TRDN: variants seen among roughly 807,000 people sequenced by gnomAD.
TRDN encodes the protein triadin in skeletal muscle.
A neutral mutation model predicts 149.7 loss-of-function variants in TRDN; 161 were observed. The ratio of observed to expected loss-of-function variants is 1.08; its 90% CI spans 0.95 to 1.23. The LOEUF is 1.23. Among genes scored for constraint, TRDN ranks in the 50% most tolerant of loss-of-function variants. The probability of loss-of-function intolerance (pLI) is 0.00; values close to 1 mark genes in which losing one functional copy is unlikely to be tolerated. For missense variants in TRDN, 896 were observed against 823.5 expected (o/e 1.09, Z -1.08); for synonymous variants, 294 against 250.5 (o/e 1.17, Z -1.64).
intron 24 of TRDN, among the ~76,000 whole-genome samples, chr6:123,300,513 T>G (rs1404305739): frequency 1.3e-5 from 2 of 151,920 alleles, no homozygotes; most frequent in African/African-American, 4.8e-5. Context: ...AATGAATTTC[T>G]CTGAGATTTT....
intron 1 of TRDN, among the ~76,000 whole-genome samples, chr6:123,627,650 C>T (rs1562141207): frequency 1.3e-5 from 2 of 152,292 alleles, no homozygotes; most frequent in South Asian, 2.1e-4. Flanking sequence ...TGGAGCCAGG[C>T]ATTGACTTCT....
At chr6:123,519,010 C>T (rs909423916) in intron 5 of TRDN, among the ~76,000 whole-genome samples, 1 of 152,116 alleles carries the variant, frequency 6.6e-6, no homozygotes, top group African/African-American at 2.4e-5. Context: ...CTGCTTAGAG[C>T]CCACAACCAG....
intron 37 of TRDN, 138 bp downstream of exon 37, chr6:123,254,943 T>A (rs979057951): frequency 5.9e-5 from 36 of 608,082 alleles, no homozygotes; most frequent in Non-Finnish European, 1.0e-4. Context: ...ATTTTCTACC[T>A]GTCCACTTCC....
intron 2 of TRDN, among the ~76,000 whole-genome samples, chr6:123,561,158 A>G (rs1253052828): frequency 1.3e-5 from 2 of 152,134 alleles, no homozygotes; most frequent in African/African-American, 4.8e-5. Context: ...GTGAGACATA[A>G]TTCCTCGGTT....
chr6:123,613,332 G>A (rs1222579433), intron 1 of TRDN, among the ~76,000 whole-genome samples: 2 of 152,064 alleles, frequency 1.3e-5, no homozygotes, highest in African/African-American at 2.4e-5. Context: ...TCAGTTTAAT[G>A]AATAAATACA....
chr6:123,576,145 A>C (rs1782844223), intron 1 of TRDN, among the ~76,000 whole-genome samples: 1 of 152,182 alleles, frequency 6.6e-6, no homozygotes, highest in Non-Finnish European at 1.5e-5. Flanking sequence ...TCCCAATCAC[A>C]TGAAAAAGTG....
intron 24 of TRDN, among the ~76,000 whole-genome samples, chr6:123,301,298 G>A (rs1488303363): frequency 6.6e-6 from 1 of 151,912 alleles, no homozygotes; most frequent in Non-Finnish European, 1.5e-5. Context: ...CTGCTTTAAA[G>A]GTTAAATTGA....
chr6:123,259,473 T>C, intron 35 of TRDN, 151 bp downstream of exon 35: 3 of 558,582 alleles, frequency 5.4e-6, no homozygotes, highest in Non-Finnish European at 9.6e-6. Context: ...CATGATGAAC[T>C]GTAATGTACT....
At chr6:123,526,644 A>T (rs1384975341) in intron 5 of TRDN, among the ~76,000 whole-genome samples, 1 of 152,106 alleles carries the variant, frequency 6.6e-6, no homozygotes, top group Non-Finnish European at 1.5e-5. Flanking sequence ...AATATTAGAC[A>T]TAAAAAATTA....
In TRDN at chr6:123,266,648, A is replaced by ATATT. The variant is rs1295469977; in HGVS notation, c.1783+1058_1783+1059insAATA. 4.9e-4 allele frequency among the ~76,000 whole-genome samples: 26 copies of ATATT among 53,324 alleles called. 10 individuals are homozygous for ATATT. The South Asian group carries it at 5.4e-3, about 11-fold the overall frequency. 35.0% of individuals were successfully genotyped at this position (53,324 alleles called of 152,430 possible). ...TATATTATAATATGTATTATATTAT[A>ATATT]ATAATATGTATAATATGTATATATT... On this transcript the variant is annotated intron_variant, in intron 32 of 40. Transcript: ENST00000334268.
At position 123,503,704 on chromosome 6, in the gene TRDN, G is replaced by A. The variant is rs1435634248; in HGVS notation, c.793+15C>T. ...CTCTTAGAACCTCCGGCAGCCTCCT[G>A]CTCTGAATGTTTACCTTTCTGTTCA... On this transcript the variant is annotated intron_variant, in intron 8 of 40. Transcript: ENST00000334268. 2 of 1,613,304 alleles carry A rather than the reference G, an allele frequency of 1.2e-6. No individual in the cohort carries two copies. The highest frequency in any genetic ancestry group is 2.2e-5 in the East Asian group (1 of 44,842).
chr6:123,300,349 A>G (rs182731848), intron 24 of TRDN, among the ~76,000 whole-genome samples: 11 of 152,024 alleles, frequency 7.2e-5, no homozygotes, highest in African/African-American at 2.7e-4. Flanking sequence ...AATACAGCCA[A>G]TTGAAGATTA....
intron 14 of TRDN, among the ~76,000 whole-genome samples, chr6:123,385,951 T>C (rs184461015): frequency 6.6e-6 from 1 of 152,244 alleles, no homozygotes; most frequent in Admixed American, 6.5e-5. Context: ...TAAAAAAAAA[T>C]CATTCCTTGC....
intron 9 of TRDN, among the ~76,000 whole-genome samples, chr6:123,493,891 A>G (rs1020391785): frequency 2.6e-5 from 4 of 151,886 alleles, no homozygotes; most frequent in Non-Finnish European, 5.9e-5. Flanking sequence ...ATGCTTTCTC[A>G]CTCCATGTTT....
chr6:123,354,124 C>T (rs1013792217), intron 20 of TRDN, among the ~76,000 whole-genome samples: 3 of 151,734 alleles, frequency 2.0e-5, no homozygotes, highest in African/African-American at 7.2e-5. Flanking sequence ...TGCAGTTTAG[C>T]CTGAAATTAT....
At chr6:123,596,080 G>T (rs1484281123) in intron 1 of TRDN, among the ~76,000 whole-genome samples, 6 of 152,086 alleles carry the variant, frequency 3.9e-5, no homozygotes, top group African/African-American at 1.4e-4. Flanking sequence ...CAGCTAAGTT[G>T]TGAGTGCAAA....
intron 21 of TRDN, chr6:123,350,154 C>A: frequency 1.0e-6 from 1 of 971,582 alleles, no homozygotes; most frequent in Non-Finnish European, 1.2e-6. Context: ...GGTTAGTAGA[C>A]AAATCTTATT....
At chr6:123,229,483 G>A (rs1314634595) in intron 38 of TRDN, among the ~76,000 whole-genome samples, 1 of 151,928 alleles carries the variant, frequency 6.6e-6, no homozygotes, top group African/African-American at 2.4e-5. Context: ...CTGTGATCAA[G>A]TGGAATGCCT....
chr6:123,551,476 C>T (rs748280699), intron 2 of TRDN, among the ~76,000 whole-genome samples: 17 of 151,648 alleles, frequency 1.1e-4, no homozygotes, highest in East Asian at 3.9e-4. Flanking sequence ...TATTATTCAA[C>T]GCAAACTAAA....
Sources: gnomAD v4.1 joint callset for allele counts (sites outside exome capture counted in the v4.1 genomes callset) on GRCh38, gnomAD v4.1.1 for gene constraint, MANE v1.5 for transcripts, NCBI Gene and HGNC (gene_info 2026-07-23, HGNC 2026-07-21) for gene names.